Variants in EIF4G3 observed in about 807,000 individuals in gnomAD.
EIF4G3 encodes the protein eIF-4-gamma 3.
A neutral mutation model predicts 186.4 loss-of-function variants in EIF4G3; 34 were observed. The ratio of observed to expected loss-of-function variants is 0.18; its 90% CI spans 0.14 to 0.24. EIF4G3 has a LOEUF of 0.24. Among genes scored for constraint, EIF4G3 ranks in the 10% least tolerant of loss-of-function variants. The probability of loss-of-function intolerance (pLI) is 1.00; values close to 1 mark genes in which losing one functional copy is unlikely to be tolerated. For missense variants in EIF4G3, 1,536 were observed against 1,948.5 expected (o/e 0.79, Z 3.99); for synonymous variants, 673 against 679.5 (o/e 0.99, Z 0.15).
At chr1:20,959,695 A>AATAATC (rs1553348370) in intron 12 of EIF4G3, among the ~76,000 whole-genome samples, 119 of 146,420 alleles carry the variant, frequency 8.1e-4, no homozygotes, top group Admixed American at 2.8e-3. Context: ...TAATAATAAT[A>AATAATC]ATCCCATCAA....
chr1:20,810,195 G>A lies in EIF4G3; in HGVS notation c.4744+543C>T, dbSNP rs1046122938. On this transcript the variant is annotated intron_variant, in intron 36 of 36. Coordinates refer to ENST00000602326, the MANE Select transcript of EIF4G3 (RefSeq NM_001391906.1). This position sits in a 1 kb window ranked among gnomAD's most constrained non-coding sequence, Gnocchi z 4.1. ...TTTTGAGATAGAGTCTCGCTCTGTC[G>A]CCAGGCTGGAGTGCAGTGGCATGCT... Among the ~76,000 whole-genome samples, 1 of 148,482 alleles carries A rather than the reference G, an allele frequency of 6.7e-6. No individual in the cohort carries two copies. Among genetic ancestry groups the A allele is most frequent in the Admixed American group, 6.7e-5 (1 of 14,828 alleles).
chr1:20,879,962 A>G (rs1572109483), intron 19 of EIF4G3, among the ~76,000 whole-genome samples: 1 of 152,180 alleles, frequency 6.6e-6, no homozygotes. Flanking sequence ...TTATGGTATA[A>G]TATAAATAAT....
In EIF4G3 at chr1:20,941,996, T is replaced by G. The variant is rs1478518016; in HGVS notation, c.1158A>C (p.Glu386Asp). ...GTTTCTTGCATATATCATCATCATT[T>G]TCATTTGTTGGTAAAGGGTCTGATG... ...TETSDPLPTN[E>D]NDDDICKKPC... Residue 386 changes from glutamate to aspartate, a missense_variant, in exon 14 of 37, where the codon GAA becomes GAC. Glu to Asp is a conservative substitution (Grantham distance 45). Transcript: ENST00000602326. The G allele has an allele frequency of 6.2e-7, 1 of 1,614,220 alleles. No individual in the cohort carries two copies.
At chr1:20,918,648 C>T (rs571849289) in intron 14 of EIF4G3, among the ~76,000 whole-genome samples, 24 of 148,176 alleles carry the variant, frequency 1.6e-4, no homozygotes, top group African/African-American at 5.2e-4. Context: ...AAAAATCTTA[C>T]GTTTTTGCTA....
At chr1:20,965,452 C>T (rs932068791) in intron 12 of EIF4G3, among the ~76,000 whole-genome samples, 5 of 152,190 alleles carry the variant, frequency 3.3e-5, no homozygotes, top group Non-Finnish European at 1.5e-5. Flanking sequence ...TTCATTTCCA[C>T]AATCACCCCA....
At chr1:21,006,472 C>T (rs2085118325) in intron 4 of EIF4G3, among the ~76,000 whole-genome samples, 1 of 152,190 alleles carries the variant, frequency 6.6e-6, no homozygotes. Flanking sequence ...ACTCTGCAAT[C>T]CAGTATACTG....
At chr1:20,980,913 G>T in intron 9 of EIF4G3, 135 bp downstream of exon 9, 1 of 634,980 alleles carries the variant, frequency 1.6e-6, no homozygotes, top group Non-Finnish European at 2.4e-6. Flanking sequence ...AAAAGGGCTA[G>T]ATTTGTAACC....
Position 21,098,607 on chromosome 1 carries a change from A to C in EIF4G3, c.-271-9394T>G, listed in dbSNP as rs957728106. ...GAAAGAAACTAAACACTCAATAACA[A>C]GACAACAAACAACCTAATATTTTTC... On this transcript the variant is annotated intron_variant, in intron 2 of 36. Coordinates refer to ENST00000602326, the MANE Select transcript of EIF4G3 (RefSeq NM_001391906.1). 3.9e-5 allele frequency among the ~76,000 whole-genome samples: 6 copies of C among 152,072 alleles called. No individual in the cohort carries two copies. The Middle Eastern group carries it at 0.01, about 259-fold the overall frequency.
At chr1:21,007,050 C>T (rs1240244689) in intron 4 of EIF4G3, among the ~76,000 whole-genome samples, 1 of 152,166 alleles carries the variant, frequency 6.6e-6, no homozygotes, top group Non-Finnish European at 1.5e-5. Context: ...ATTGTACACA[C>T]TGTATGTGAA....
chr1:20,905,954 T>G (rs1014694143), intron 14 of EIF4G3, among the ~76,000 whole-genome samples: 2 of 152,196 alleles, frequency 1.3e-5, no homozygotes, highest in African/African-American at 4.8e-5. Context: ...TTTTTTGGTA[T>G]GACAGTAGAA....
intron 30 of EIF4G3, among the ~76,000 whole-genome samples, chr1:20,835,874 T>A (rs1278956597): frequency 6.6e-6 from 1 of 151,766 alleles, no homozygotes; most frequent in Non-Finnish European, 1.5e-5. Context: ...GAGGTTGAGG[T>A]TGCAGTGAGC....
At chr1:21,124,067 G>C (rs1004430136) in intron 2 of EIF4G3, among the ~76,000 whole-genome samples, 1 of 152,068 alleles carries the variant, frequency 6.6e-6, no homozygotes, top group Non-Finnish European at 1.5e-5. Context: ...GAGGCAGGTG[G>C]ATCACCTGAG....
At chr1:21,123,244 A>C (rs959230748) in intron 2 of EIF4G3, among the ~76,000 whole-genome samples, 6 of 152,156 alleles carry the variant, frequency 3.9e-5, no homozygotes, top group Non-Finnish European at 7.3e-5. Context: ...TCATCAAAAA[A>C]AGAAAGATGC....
In EIF4G3 at chr1:20,915,106, T is replaced by A. The variant is rs556251660; in HGVS notation, c.1664-10135A>T. Among the ~76,000 whole-genome samples, 3 of 152,346 alleles carry A rather than the reference T, an allele frequency of 2.0e-5. No individual in the cohort carries two copies. The South Asian group carries it at 6.2e-4, about 32-fold the overall frequency. Reference sequence around the variant, plus strand: ...TGATTTTGTCTGCTAATTCTAAGCATGTCAGTTGTGAGTTTCAATCGATTT... The same window carrying A: ...TGATTTTGTCTGCTAATTCTAAGCAAGTCAGTTGTGAGTTTCAATCGATTT... On this transcript the variant is annotated intron_variant, in intron 14 of 36. Transcript: ENST00000602326.
At chr1:21,102,133 C>T (rs2096539574) in intron 2 of EIF4G3, among the ~76,000 whole-genome samples, 1 of 151,954 alleles carries the variant, frequency 6.6e-6, no homozygotes, top group Admixed American at 6.6e-5. Context: ...AGACAAACAC[C>T]AAAAAGGAAA....
intron 7 of EIF4G3, among the ~76,000 whole-genome samples, chr1:20,990,473 G>A (rs2080837983): frequency 6.6e-6 from 1 of 152,144 alleles, no homozygotes; most frequent in Admixed American, 6.5e-5. Context: ...AGGAGTTCAA[G>A]ACCAGCCTGG....
In EIF4G3 at chr1:20,853,702, A is replaced by C. The variant is rs1413704811; in HGVS notation, c.3434-25T>G. On this transcript the variant is annotated intron_variant, in intron 26 of 36. Coordinates refer to ENST00000602326, the MANE Select transcript of EIF4G3 (RefSeq NM_001391906.1). ...TCTACACATGTCGAGGATTTAGAAA[A>C]AAATACAAATCACATGACTAAAATG... 4 of 1,538,320 alleles carry C rather than the reference A, an allele frequency of 2.6e-6. No homozygotes were observed. The South Asian group carries it at 4.5e-5, about 17-fold the overall frequency.
intron 3 of EIF4G3, among the ~76,000 whole-genome samples, chr1:21,078,156 G>A (rs1314257844): frequency 6.6e-6 from 1 of 152,172 alleles, no homozygotes; most frequent in Non-Finnish European, 1.5e-5. Flanking sequence ...TCAGTGCAGA[G>A]ATAGCTGCCA....
chr1:21,160,270 A>G lies in EIF4G3; in HGVS notation c.-272+15905T>C, dbSNP rs190008984. ...AATATATACCCATGAGTCCATAGTG[A>G]TATGAATAATAAACAAATGGAGGAA... On this transcript the variant is annotated intron_variant, in intron 2 of 36. Coordinates refer to ENST00000602326, the MANE Select transcript of EIF4G3 (RefSeq NM_001391906.1). 7.2e-5 allele frequency among the ~76,000 whole-genome samples: 11 copies of G among 152,066 alleles called. No individual in the cohort carries two copies. In the East Asian group the frequency reaches 1.3e-3, roughly 19 times the overall value.
Sources: gnomAD v4.1 joint callset for allele counts (sites outside exome capture counted in the v4.1 genomes callset) on GRCh38, gnomAD v4.1.1 for gene constraint, Gnocchi (gnomAD v3.1) non-coding constraint, MANE v1.5 for transcripts, NCBI Gene and HGNC (gene_info 2026-07-23, HGNC 2026-07-21) for gene names.